The following UMAD1 variants were observed in gnomAD, a reference collection of about 807,000 sequenced individuals.
UMAD1 encodes UBAP1-MVB12-associated (UMA) domain containing 1, also known as UBAP1-MVB12-associated (UMA)-domain containing protein 1.
UMAD1 carries 8 observed loss-of-function variants against 6.1 expected under a neutral mutation model. That is an observed-to-expected ratio of 1.30 (90% CI 0.76 to 2.35). UMAD1 has a LOEUF of 2.35. Among genes scored for constraint, UMAD1 ranks in the 30% most tolerant of loss-of-function variants. The probability of loss-of-function intolerance (pLI) is 0.00; values close to 1 mark genes in which losing one functional copy is unlikely to be tolerated. For synonymous variants in UMAD1, 56 were observed against 31.4 expected (o/e 1.78, Z -2.61); for missense variants, 130 against 78.4 (o/e 1.66, Z -2.49).
At chr7:7,664,772 T>C (rs1779396382) in intron 1 of UMAD1, among the ~76,000 whole-genome samples, 2 of 152,220 alleles carry the variant, frequency 1.3e-5, no homozygotes, top group African/African-American at 2.4e-5. Context: ...TGTATTCTTA[T>C]CACTCAAGAT....
chr7:7,709,873 G>A (rs770445105), intron 2 of UMAD1, among the ~76,000 whole-genome samples: 2 of 151,842 alleles, frequency 1.3e-5, no homozygotes, highest in Non-Finnish European at 2.9e-5. Flanking sequence ...ATAATTTCTT[G>A]TTAACCTTGA....
chr7:7,874,601 G>A (rs1417623781), intron 3 of UMAD1, among the ~76,000 whole-genome samples: 1 of 152,252 alleles, frequency 6.6e-6, no homozygotes, highest in East Asian at 1.9e-4. Flanking sequence ...TGGATCACCT[G>A]AGCTCAAGAG....
intron 2 of UMAD1, among the ~76,000 whole-genome samples, chr7:7,783,619 A>C (rs137981834): frequency 6.8e-4 from 104 of 152,358 alleles, no homozygotes; most frequent in Middle Eastern, 3.4e-3. Context: ...TTGTAGCTTA[A>C]AAACGAACTA....
intron 2 of UMAD1, among the ~76,000 whole-genome samples, chr7:7,782,537 TTTTTA>T (rs1315625648): frequency 6.6e-6 from 1 of 152,150 alleles, no homozygotes; most frequent in Non-Finnish European, 1.5e-5. Flanking sequence ...TTTAAAATTT[TTTTTA>T]TTTTCTTTTT....
At chr7:7,737,364 G>T (rs1027466194) in intron 2 of UMAD1, among the ~76,000 whole-genome samples, 1 of 152,148 alleles carries the variant, frequency 6.6e-6, no homozygotes, top group Non-Finnish European at 1.5e-5. Context: ...CAGCCCAGTG[G>T]GTGCTCAGTC....
rs562474156 is a variant in UMAD1 at position 7,810,321 on chromosome 7, T to C, written c.156+8578T>C. On this transcript the variant is annotated intron_variant, in intron 3 of 3. Coordinates refer to ENST00000682710, the MANE Select transcript of UMAD1 (RefSeq NM_001302348.2). ...CAATAGGTATTAAGAGCCATAAAGATGTTAATATACTTTGACAGTAATTCC... is the reference window on the plus strand; with the variant it reads ...CAATAGGTATTAAGAGCCATAAAGACGTTAATATACTTTGACAGTAATTCC... Among the ~76,000 whole-genome samples the C allele has an allele frequency of 1.3e-4, 20 of 152,196 alleles. No homozygotes were observed. In the South Asian group the frequency reaches 4.1e-3, roughly 32 times the overall value.
At chr7:7,646,652 T>A (rs924019351) in intron 1 of UMAD1, among the ~76,000 whole-genome samples, 1 of 151,968 alleles carries the variant, frequency 6.6e-6, no homozygotes, top group African/African-American at 2.4e-5. Context: ...ATCAGCAGTA[T>A]GAAAATGAAC....
intron 3 of UMAD1, among the ~76,000 whole-genome samples, chr7:7,811,723 G>T (rs768957105): frequency 2.4e-4 from 36 of 152,170 alleles, no homozygotes; most frequent in Non-Finnish European, 1.3e-4. Flanking sequence ...TTAATGAAGA[G>T]ATTTTAGGCA....
chr7:7,743,692 GTATATGTATAATATA>G (rs1467761200), intron 2 of UMAD1, among the ~76,000 whole-genome samples: 7 of 35,776 alleles, frequency 2.0e-4, no homozygotes, highest in African/African-American at 7.4e-4. Flanking sequence ...ATGTGTATAT[GTATATGTATAATATA>G]TATTATACAT....
chr7:7,667,829 G>A (rs1053261125), intron 1 of UMAD1, among the ~76,000 whole-genome samples: 3 of 152,180 alleles, frequency 2.0e-5, no homozygotes, highest in Non-Finnish European at 2.9e-5. Context: ...CTGATGAAAA[G>A]CATTCAGTTT....
At chr7:7,710,765 A>G (rs1429755778) in intron 2 of UMAD1, among the ~76,000 whole-genome samples, 2 of 152,232 alleles carry the variant, frequency 1.3e-5, no homozygotes, top group Non-Finnish European at 2.9e-5. Context: ...TTTATTCATA[A>G]TAGACCCAAA....
intron 3 of UMAD1, among the ~76,000 whole-genome samples, chr7:7,855,475 G>A (rs1783998009): frequency 6.6e-6 from 1 of 152,250 alleles, no homozygotes; most frequent in East Asian, 1.9e-4. Context: ...AAGGCTTGGG[G>A]CTTGCACCCT....
At chr7:7,824,806 T>G (rs1783309054) in intron 3 of UMAD1, among the ~76,000 whole-genome samples, 1 of 152,202 alleles carries the variant, frequency 6.6e-6, no homozygotes, top group Non-Finnish European at 1.5e-5. Context: ...AATTTCATCC[T>G]GTTAAACTGG....
At chr7:7,663,981 A>G (rs1779368054) in intron 1 of UMAD1, among the ~76,000 whole-genome samples, 1 of 152,220 alleles carries the variant, frequency 6.6e-6, no homozygotes, top group Non-Finnish European at 1.5e-5. Flanking sequence ...GATTAGATTT[A>G]GGCTATTAAT....
chr7:7,829,658 A>T lies in UMAD1; in HGVS notation c.156+27915A>T, dbSNP rs567816934. ...AACATACGTTTCATATTCTGACATG[A>T]TTTTAAATGTAATGAACGAGCATTT... On this transcript the variant is annotated intron_variant, in intron 3 of 3. Coordinates refer to ENST00000682710, the MANE Select transcript of UMAD1 (RefSeq NM_001302348.2). Among the ~76,000 whole-genome samples, 4 of 152,346 alleles carry T rather than the reference A, an allele frequency of 2.6e-5. No individual in the cohort carries two copies. The East Asian group carries it at 7.7e-4, about 29-fold the overall frequency.
At chr7:7,787,658 A>G (rs1782486132) in intron 2 of UMAD1, among the ~76,000 whole-genome samples, 1 of 152,194 alleles carries the variant, frequency 6.6e-6, no homozygotes, top group African/African-American at 2.4e-5. Flanking sequence ...TGTCTACAGA[A>G]TACCAGAGAC....
At chr7:7,784,511 A>AT (rs531022882) in intron 2 of UMAD1, among the ~76,000 whole-genome samples, 4,865 of 135,656 alleles carry the variant, frequency 0.036, 191 homozygotes, top group African/African-American at 0.11. Context: ...AATTTTTTGT[A>AT]TTTTTTTTTT....
chr7:7,783,193 G>A (rs1474086927), intron 2 of UMAD1, among the ~76,000 whole-genome samples: 2 of 152,198 alleles, frequency 1.3e-5, no homozygotes, highest in African/African-American at 2.4e-5. Flanking sequence ...CACCCATCTT[G>A]TCTAAGTTTG....
intron 1 of UMAD1, among the ~76,000 whole-genome samples, chr7:7,661,109 T>G (rs1053699860): frequency 1.3e-5 from 2 of 152,200 alleles, no homozygotes; most frequent in African/African-American, 4.8e-5. Flanking sequence ...TTGATTCGGC[T>G]ATTGATACTT....
Sources: gnomAD v4.1 joint callset for allele counts (sites outside exome capture counted in the v4.1 genomes callset) on GRCh38, gnomAD v4.1.1 for gene constraint, MANE v1.5 for transcripts, NCBI Gene and HGNC (gene_info 2026-07-23, HGNC 2026-07-21) for gene names.